The following RANBP17 variants were observed in gnomAD, a reference collection of about 807,000 sequenced individuals.
RANBP17 encodes the protein RAN binding protein 17.
RANBP17 carries 158 observed loss-of-function variants against 141.2 expected under a neutral mutation model. That is an observed-to-expected ratio of 1.12 (90% CI 0.98 to 1.28). The LOEUF is 1.28. Among genes scored for constraint, RANBP17 ranks in the 50% most tolerant of loss-of-function variants. The pLI is 0.00. For synonymous variants in RANBP17, 430 were observed against 450.0 expected (o/e 0.96, Z 0.56); for missense variants, 1,438 against 1,290.7 (o/e 1.11, Z -1.75).
chr5:171,097,410 T>C (rs770152033), intron 14 of RANBP17, among the ~76,000 whole-genome samples: 34 of 151,530 alleles, frequency 2.2e-4, no homozygotes, highest in Non-Finnish European at 2.5e-4. Flanking sequence ...AGCACAGCTT[T>C]GGGTCTTCAT....
intron 14 of RANBP17, among the ~76,000 whole-genome samples, chr5:171,040,586 C>T (rs78679204): frequency 0.027 from 4,082 of 151,956 alleles, 180 homozygotes; most frequent in African/African-American, 0.092. Context: ...GATTTTAATC[C>T]TGTAGAAGGG....
rs1554124012 is a variant in RANBP17 at position 171,252,382 on chromosome 5, A to C, written c.2776+9562A>C. The C allele has an allele frequency of 1.5e-5, 23 of 1,536,442 alleles. No individual in the cohort carries two copies. In the South Asian group the frequency reaches 2.5e-4, roughly 16 times the overall value. ...TGAAACCAGATGTCTTACTTGTGAA[A>C]CTATGAGCAGCAAAGATGAAGATTT... On this transcript the variant is annotated intron_variant, in intron 24 of 27. Transcript: ENST00000523189.
intron 14 of RANBP17, among the ~76,000 whole-genome samples, chr5:171,103,261 G>A (rs1787301889): frequency 6.6e-6 from 1 of 152,206 alleles, no homozygotes; most frequent in Admixed American, 6.5e-5. Flanking sequence ...ATAAGCCCCT[G>A]ACTGGGGCTG....
intron 4 of RANBP17, 60 bp downstream of exon 4, chr5:170,892,613 C>A: frequency 7.4e-7 from 1 of 1,351,666 alleles, no homozygotes; most frequent in Non-Finnish European, 1.0e-6. Flanking sequence ...GTTTAGAATA[C>A]TGCTCTTCTT....
intron 14 of RANBP17, among the ~76,000 whole-genome samples, chr5:171,000,536 A>T (rs79006390): frequency 0.028 from 4,257 of 152,260 alleles, 196 homozygotes; most frequent in African/African-American, 0.096. Context: ...TTTAAATCTG[A>T]ATATATTGAC....
Position 171,134,845 on chromosome 5 carries a change from C to G in RANBP17, c.1711-35285C>G, listed in dbSNP as rs192015477. Among the ~76,000 whole-genome samples, 8 of 151,768 alleles carry G rather than the reference C, an allele frequency of 5.3e-5. No individual in the cohort carries two copies. The East Asian group carries it at 1.2e-3, about 22-fold the overall frequency. On this transcript the variant is annotated intron_variant, in intron 14 of 27. Transcript: ENST00000523189. ...GCTGAGGCTGGAGAACCATTTGACC[C>G]TGGGAAGCAGAGGTTATAGTGAGCT...
chr5:170,994,756 C>CTA (rs1778711071), intron 14 of RANBP17, among the ~76,000 whole-genome samples: 1 of 152,022 alleles, frequency 6.6e-6, no homozygotes. Flanking sequence ...TCATTTAGAG[C>CTA]TATACATTTT....
intron 14 of RANBP17, among the ~76,000 whole-genome samples, chr5:171,130,590 C>G (rs1266570071): frequency 3.3e-5 from 5 of 151,852 alleles, no homozygotes; most frequent in Non-Finnish European, 5.9e-5. Context: ...GCATGCGCCA[C>G]CATGCCTGGC....
chr5:171,201,769 A>G (rs1014392215), intron 19 of RANBP17, among the ~76,000 whole-genome samples: 7 of 152,258 alleles, frequency 4.6e-5, no homozygotes, highest in African/African-American at 7.2e-5. Context: ...TTTATCATAA[A>G]CAAAACTTTT....
chr5:171,021,848 C>T (rs1780878480), intron 14 of RANBP17, among the ~76,000 whole-genome samples: 1 of 152,320 alleles, frequency 6.6e-6, no homozygotes, highest in African/African-American at 2.4e-5. Context: ...AGAAGAGTCA[C>T]TCTGGCCTTT....
At chr5:171,254,119 C>T (rs1251807019) in intron 24 of RANBP17, among the ~76,000 whole-genome samples, 6 of 151,786 alleles carry the variant, frequency 4.0e-5, no homozygotes, top group South Asian at 2.1e-4. Context: ...TGGTGGCATG[C>T]GCCTGTAGTC....
intron 14 of RANBP17, among the ~76,000 whole-genome samples, chr5:171,102,328 T>G (rs998168785): frequency 6.6e-6 from 1 of 152,094 alleles, no homozygotes; most frequent in African/African-American, 2.4e-5. Flanking sequence ...TCTTTACACT[T>G]TACTTGATTA....
At chr5:170,977,555 G>A (rs1777470064) in intron 14 of RANBP17, among the ~76,000 whole-genome samples, 1 of 151,970 alleles carries the variant, frequency 6.6e-6, no homozygotes, top group South Asian at 2.1e-4. Flanking sequence ...GTTCACAGAA[G>A]CATTATTTCC....
chr5:171,168,535 G>A (rs1033906504), intron 14 of RANBP17, among the ~76,000 whole-genome samples: 7 of 152,120 alleles, frequency 4.6e-5, no homozygotes, highest in African/African-American at 1.7e-4. Context: ...TGGCATCATG[G>A]TGAGCTTAGG....
chr5:171,271,075 C>CCTTTTT (rs1767076411), intron 25 of RANBP17: 28 of 27,564 alleles, frequency 1.0e-3, no homozygotes, highest in African/African-American at 2.0e-3. Flanking sequence ...TATGTTATTT[C>CCTTTTT]TTTTTTTTTT....
At chr5:171,104,199 G>A (rs975987430) in intron 14 of RANBP17, among the ~76,000 whole-genome samples, 11 of 152,118 alleles carry the variant, frequency 7.2e-5, no homozygotes, top group South Asian at 2.1e-4. Context: ...CACCAGGCCC[G>A]GCTAATTTTG....
At chr5:171,250,613 A>G (rs912368588) in intron 24 of RANBP17, among the ~76,000 whole-genome samples, 2 of 152,222 alleles carry the variant, frequency 1.3e-5, no homozygotes, top group African/African-American at 4.8e-5. Context: ...TTGGCAGTAA[A>G]CACATATAGA....
At chr5:171,020,738 T>C (rs1356301709) in intron 14 of RANBP17, among the ~76,000 whole-genome samples, 4 of 152,208 alleles carry the variant, frequency 2.6e-5, no homozygotes, top group African/African-American at 9.6e-5. Flanking sequence ...TTTGCCGGTC[T>C]GTGTCTTTTA....
intron 1 of RANBP17, among the ~76,000 whole-genome samples, chr5:170,864,658 C>A (rs969290343): frequency 2.0e-5 from 3 of 152,068 alleles, no homozygotes; most frequent in Admixed American, 6.5e-5. Context: ...ACAGAGGTAC[C>A]TTGGTAAGAA....
Sources: allele counts gnomAD v4.1 joint callset (sites outside exome capture counted in the v4.1 genomes callset), GRCh38; gene constraint gnomAD v4.1.1; transcripts MANE v1.5; gene names NCBI Gene and HGNC (gene_info 2026-07-23, HGNC 2026-07-21).